CDC26: variants seen among roughly 807,000 people sequenced by gnomAD.
CDC26 encodes the protein anaphase-promoting complex subunit CDC26.
A neutral mutation model predicts 8.0 loss-of-function variants in CDC26; 2 were observed. The ratio of observed to expected loss-of-function variants is 0.25; its 90% CI spans 0.10 to 0.79. CDC26 has a LOEUF of 0.79. Among genes scored for constraint, CDC26 ranks in the 30% least tolerant of loss-of-function variants. The pLI, the probability that CDC26 is intolerant of heterozygous loss-of-function variation, is 0.70. For synonymous variants in CDC26, 19 were observed against 34.9 expected (o/e 0.55, Z 1.60); for missense variants, 68 against 106.0 (o/e 0.64, Z 1.57).
Position 113,268,224 on chromosome 9 carries a change from G to A in CDC26, c.82-785C>T, listed in dbSNP as rs1195398887. On this transcript the variant is annotated intron_variant, in intron 3 of 3. Coordinates refer to ENST00000374206, the MANE Select transcript of CDC26 (RefSeq NM_139286.4). ...GCATTTCAACAAATTTATTATTCTAGAGAATAGAAAAATAAATTGGGTAAA... is the reference window on the plus strand; with the variant it reads ...GCATTTCAACAAATTTATTATTCTAAAGAATAGAAAAATAAATTGGGTAAA... 2.0e-5 allele frequency among the ~76,000 whole-genome samples: 3 copies of A among 152,124 alleles called. No homozygotes were observed. In the East Asian group the frequency reaches 5.8e-4, roughly 29 times the overall value.
chr9:113,271,556 G>A (rs186377441), intron 3 of CDC26, among the ~76,000 whole-genome samples: 2,288 of 152,268 alleles, frequency 0.015, 105 homozygotes, highest in Admixed American at 0.097. Context: ...GAAGCTAGAA[G>A]AGCCAAGGAA....
chr9:113,270,991 T>C (rs1296293548), intron 3 of CDC26, among the ~76,000 whole-genome samples: 2 of 152,160 alleles, frequency 1.3e-5, no homozygotes, highest in Admixed American at 6.6e-5. Flanking sequence ...ACTACAATTA[T>C]ACAGGGAAAG....
At chr9:113,274,304 C>T (rs1181298069) in intron 1 of CDC26, among the ~76,000 whole-genome samples, 1 of 152,066 alleles carries the variant, frequency 6.6e-6, no homozygotes, top group African/African-American at 2.4e-5. Context: ...TTACACGTAT[C>T]TAGGATGAAA....
chr9:113,272,691 C>CT (rs367685408), intron 2 of CDC26, 143 bp from the exon 3 acceptor site: 6,316 of 354,968 alleles, frequency 0.018, 5 homozygotes, highest in Middle Eastern at 0.031. Context: ...CTTCTAAAGT[C>CT]TTTTTTTTTT....
rs574601141 is a variant in CDC26, at chr9:113,267,711, G to T, written c.82-272C>A. 9.1e-4 allele frequency among the ~76,000 whole-genome samples: 138 copies of T among 152,156 alleles called. 1 individual carries two copies. Among genetic ancestry groups the T allele is most frequent in the Non-Finnish European group, 1.4e-3 (93 of 68,016 alleles). On this transcript the variant is annotated intron_variant, in intron 3 of 3. Coordinates refer to ENST00000374206, the MANE Select transcript of CDC26 (RefSeq NM_139286.4). ...CTACTAAAAATACAAAAATTTGGCG[G>T]GGCACGGTGGCTCACATCTGTAATC...
At chr9:113,268,689 G>A (rs552504715) in intron 3 of CDC26, among the ~76,000 whole-genome samples, 1 of 152,320 alleles carries the variant, frequency 6.6e-6, no homozygotes, top group East Asian at 1.9e-4. Flanking sequence ...GGCCAAGGCG[G>A]AGGATTGCTT....
chr9:113,270,916 T>C (rs949895984), intron 3 of CDC26, among the ~76,000 whole-genome samples: 10 of 152,224 alleles, frequency 6.6e-5, no homozygotes, highest in African/African-American at 2.2e-4. Flanking sequence ...AAGATCATTC[T>C]TGATACTGGA....
intron 1 of CDC26, among the ~76,000 whole-genome samples, chr9:113,274,174 G>A (rs985375943): frequency 6.6e-6 from 1 of 152,168 alleles, no homozygotes; most frequent in Admixed American, 6.5e-5. Flanking sequence ...ATCGAAGCAA[G>A]CTGTTCAGTT....
chr9:113,269,312 A>C (rs1328844534), intron 3 of CDC26, among the ~76,000 whole-genome samples: 1 of 152,234 alleles, frequency 6.6e-6, no homozygotes, highest in Non-Finnish European at 1.5e-5. Context: ...GTGGCAAATG[A>C]CCTTCCTGAT....
rs991005842 is a variant in CDC26 at position 113,272,679 on chromosome 9, G to A, written c.-41-131C>T. Reference sequence around the variant, plus strand: ...AAAAATTTATTTGAATTTACACATAGACTTCTAAAGTCTTTTTTTTTTTTT... The same window carrying A: ...AAAAATTTATTTGAATTTACACATAAACTTCTAAAGTCTTTTTTTTTTTTT... On this transcript the variant is annotated intron_variant, in intron 2 of 3. Transcript: ENST00000374206. 6 of 478,156 alleles carry A rather than the reference G, an allele frequency of 1.3e-5. No individual in the cohort carries two copies. The Admixed American group carries it at 1.8e-4, about 14-fold the overall frequency. The allele number at this position is 478,156 out of a possible 1,614,324, so 29.6% of individuals were successfully genotyped here. A position where few individuals can be genotyped will look rare whatever the true frequency, so the allele number is the denominator to read the frequency against.
In CDC26 at chr9:113,273,310, C is replaced by T. The variant is rs1386989922; in HGVS notation, c.-42+19G>A. ...ATGCTAAAATCAGTTTGCTAAATCT[C>T]AGGAAAACTCCAACTCACCAATTCA... On this transcript the variant is annotated intron_variant, in intron 2 of 3. Transcript: ENST00000374206. The T allele has an allele frequency of 2.0e-5, 3 of 152,220 alleles. No individual in the cohort carries two copies. The highest frequency in any genetic ancestry group is 4.4e-5 in the Non-Finnish European group (3 of 68,046). The allele number at this position is 152,220 out of a possible 1,614,324, so 9.4% of individuals were successfully genotyped here.
chr9:113,267,476 CTTTCAAT>C (rs779315677), intron 3 of CDC26, 37 bp from the exon 4 acceptor site: 2 of 1,575,488 alleles, frequency 1.3e-6, no homozygotes, highest in Non-Finnish European at 1.7e-6. Context: ...AGGCAACATT[CTTTCAAT>C]TAGCAAATGT....
At chr9:113,268,687 C>T (rs185324062) in intron 3 of CDC26, among the ~76,000 whole-genome samples, 3 of 152,104 alleles carry the variant, frequency 2.0e-5, no homozygotes, top group Admixed American at 1.3e-4. Context: ...GAGGCCAAGG[C>T]GGAGGATTGC....
intron 1 of CDC26, among the ~76,000 whole-genome samples, chr9:113,273,906 A>ATTTTG (rs888483648): frequency 2.0e-5 from 3 of 151,366 alleles, no homozygotes; most frequent in Non-Finnish European, 4.4e-5. Context: ...AACAAAAACC[A>ATTTTG]TTTTGTTTTG....
rs146455612 is a variant in CDC26, at chr9:113,272,417, G to C, written c.81+10C>G. ...CTCCATCTCAAAAAAACACAAAGTTGTATTCATACCTCCAGGTCCTTTCGA... is the reference window on the plus strand; with the variant it reads ...CTCCATCTCAAAAAAACACAAAGTTCTATTCATACCTCCAGGTCCTTTCGA... On this transcript the variant is annotated intron_variant, in intron 3 of 3. Transcript: ENST00000374206. 3.1e-6 allele frequency: 5 copies of C among 1,600,972 alleles called. No individual in the cohort carries two copies. The African/African-American group carries it at 4.0e-5, about 13-fold the overall frequency.
rs1831872809 is a variant in CDC26, at chr9:113,267,024, T to C, written c.*239A>G. The C allele has an allele frequency of 2.2e-6, 1 of 448,346 alleles. No homozygotes were observed. Among genetic ancestry groups the C allele is most frequent in the Admixed American group, 4.1e-5 (1 of 24,572 alleles). 27.8% of individuals were successfully genotyped at this position (448,346 alleles called of 1,614,324 possible). ...TGCCTCACATTTTTCCAAAAATATA[T>C]TTATTTTTAAAAACAGAAAATCAGA... is the stretch of plus-strand genomic sequence containing the variant. On this transcript the variant is annotated 3_prime_UTR_variant, in exon 4 of 4. Coordinates refer to ENST00000374206, the MANE Select transcript of CDC26 (RefSeq NM_139286.4).
intron 3 of CDC26, among the ~76,000 whole-genome samples, chr9:113,270,128 G>A (rs1186086125): frequency 6.6e-6 from 1 of 152,192 alleles, no homozygotes; most frequent in African/African-American, 2.4e-5. Flanking sequence ...TAACCCAGCT[G>A]GGGGCTGGAA....
chr9:113,269,844 A>G (rs1004859582), intron 3 of CDC26, among the ~76,000 whole-genome samples: 2 of 152,252 alleles, frequency 1.3e-5, no homozygotes, highest in African/African-American at 2.4e-5. Context: ...AAGCATATAC[A>G]ATACATAATA....
At chr9:113,269,801 G>T (rs1306424547) in intron 3 of CDC26, among the ~76,000 whole-genome samples, 1 of 152,158 alleles carries the variant, frequency 6.6e-6, no homozygotes, top group East Asian at 1.9e-4. Flanking sequence ...ATGAAGCAGG[G>T]GGAAAGAAAT....
Sources: gnomAD v4.1 joint callset for allele counts (sites outside exome capture counted in the v4.1 genomes callset) on GRCh38, gnomAD v4.1.1 for gene constraint, MANE v1.5 for transcripts, NCBI Gene and HGNC (gene_info 2026-07-23, HGNC 2026-07-21) for gene names.